CLEC20A: variants seen among roughly 807,000 people sequenced by gnomAD.
The protein encoded by CLEC20A is C-type lectin domain containing 20A.
exon 3 of CLEC20A, chr1:178,492,532 G>A (rs1649289118): frequency 2.5e-6 from 1 of 398,630 alleles, no homozygotes; most frequent in Non-Finnish European, 4.4e-6. Context: ...GGCTGAGAGA[G>A]GGCTTCGTGG....
chr1:178,494,716 T>C (rs2101878220), exon 2 of CLEC20A: 1 of 399,154 alleles, frequency 2.5e-6, no homozygotes, highest in African/African-American at 2.1e-5. Context: ...CAGCGAGGTC[T>C]GTGTAGTGCA....
At chr1:178,498,164 C>T (rs556735640), upstream of CLEC20A, among the ~76,000 whole-genome samples, 2 of 152,158 alleles carry the variant, frequency 1.3e-5, no homozygotes, top group Admixed American at 1.3e-4. Flanking sequence ...AGTATTCAAG[C>T]TTAGGTTGAA....
intron 6 of CLEC20A, 186 bp downstream of exon 6, chr1:178,482,988 GT>G (rs1402380903): frequency 2.6e-6 from 1 of 387,742 alleles, no homozygotes; most frequent in Non-Finnish European, 4.5e-6. Context: ...TCAGAAACTT[GT>G]CCCCTAAGTT....
chr1:178,497,037 T>G (rs1649414859), upstream of CLEC20A: 1 of 398,806 alleles, frequency 2.5e-6, no homozygotes, highest in Non-Finnish European at 4.4e-6. Flanking sequence ...TCTGACCTTC[T>G]GGCCTTTCAT....
chr1:178,492,147 T>A (rs1227967746), intron 3 of CLEC20A, among the ~76,000 whole-genome samples: 1 of 152,036 alleles, frequency 6.6e-6, no homozygotes, highest in Admixed American at 6.6e-5. Flanking sequence ...TAGCTGGGCA[T>A]GGTGGCATGT....
intron 7 of CLEC20A, chr1:178,480,802 A>G (rs1160393378): frequency 1.3e-5 from 2 of 152,096 alleles, no homozygotes; most frequent in Non-Finnish European, 2.9e-5. Flanking sequence ...AAATTAAAAA[A>G]AAAAGTAAAC....
At chr1:178,483,674 C>T (rs181250401) in intron 5 of CLEC20A, 237 of 154,564 alleles carry the variant, frequency 1.5e-3, no homozygotes, top group Admixed American at 3.7e-3. Context: ...CCCTCAATAT[C>T]GCCATCTCCA....
chr1:178,479,800 T>C (rs954881204), intron 7 of CLEC20A, 185 bp from the exon 8 acceptor site: 1 of 376,106 alleles, frequency 2.7e-6, no homozygotes, highest in Non-Finnish European at 4.7e-6. Flanking sequence ...TAAATTAATT[T>C]TGTTAGCAAA....
chr1:178,488,550 G>A (rs753216973), exon 5 of CLEC20A: 2 of 398,868 alleles, frequency 5.0e-6, no homozygotes, highest in Middle Eastern at 6.3e-4. Flanking sequence ...TGGGGGAAGT[G>A]TGGAAGAGTG....
upstream of CLEC20A, among the ~76,000 whole-genome samples, chr1:178,498,921 C>G (rs1240337602): frequency 6.6e-6 from 1 of 152,232 alleles, no homozygotes; most frequent in Non-Finnish European, 1.5e-5. Context: ...TTCTCTCGTG[C>G]AGCAATGGCC....
At chr1:178,485,314 A>G (rs1649105625) in intron 5 of CLEC20A, among the ~76,000 whole-genome samples, 1 of 152,138 alleles carries the variant, frequency 6.6e-6, no homozygotes, top group African/African-American at 2.4e-5. Context: ...TGGGGGATCA[A>G]GTCCTTCAGA....
chr1:178,480,897 G>C (rs1290000175), intron 7 of CLEC20A: 1 of 151,340 alleles, frequency 6.6e-6, no homozygotes, highest in Non-Finnish European at 1.5e-5. Context: ...TGACTTTAAG[G>C]AATAAACATA....
intron 5 of CLEC20A, 50 bp from the exon 6 acceptor site, chr1:178,483,332 G>T: frequency 2.5e-6 from 1 of 398,416 alleles, no homozygotes; most frequent in South Asian, 1.3e-4. Context: ...CCAGGAGTAA[G>T]GTGGCCTGAT....
At chr1:178,486,599 AGCCGAGGCCCCG>A in intron 5 of CLEC20A, 1 of 398,558 alleles carries the variant, frequency 2.5e-6, no homozygotes, top group Non-Finnish European at 4.4e-6. Flanking sequence ...TGAGCCTGGG[AGCCGAGGCCCCG>A]GCTGGATGTG....
rs6425477 is a variant in CLEC20A at position 178,486,093 on chromosome 1, G to A, written c.928+2408C>T. The stretch of plus-strand genomic sequence containing the variant: ...TACTGGAGCCAATATTCCAACTCTT[G>A]ACTGTCAGACTCTTGCTTTTAGAAC... On this transcript the variant is annotated intron_variant, in intron 5 of 7. Transcript: ENST00000623247. 7.4e-3 allele frequency among the ~76,000 whole-genome samples: 1,132 copies of A among 152,278 alleles called. 17 individuals carry two copies. The highest frequency in any genetic ancestry group is 0.026 in the African/African-American group (1,070 of 41,552).
At chr1:178,487,199 G>A (rs1174504737) in intron 5 of CLEC20A, among the ~76,000 whole-genome samples, 1 of 152,204 alleles carries the variant, frequency 6.6e-6, no homozygotes, top group African/African-American at 2.4e-5. Flanking sequence ...GTGCAGACAG[G>A]GGCGAGCAGG....
chr1:178,483,585 A>C (rs1457121300), intron 5 of CLEC20A: 5 of 222,574 alleles, frequency 2.2e-5, no homozygotes, highest in Non-Finnish European at 4.3e-5. Flanking sequence ...TTTTTTGTTC[A>C]GTAGCCTGTG....
chr1:178,488,949 G>A (rs555581154), intron 4 of CLEC20A, among the ~76,000 whole-genome samples: 89 of 152,234 alleles, frequency 5.8e-4, no homozygotes, highest in African/African-American at 2.0e-3. Flanking sequence ...GACTTCTACC[G>A]GGTAAGGGGT....
intron 5 of CLEC20A, chr1:178,483,572 AT>A (rs1558027510): frequency 7.2e-5 from 18 of 250,194 alleles, no homozygotes; most frequent in East Asian, 1.5e-4. Flanking sequence ...TCCTCATCAA[AT>A]TTTTTTTGTT....
Sources: gnomAD v4.1 joint callset for allele counts (sites outside exome capture counted in the v4.1 genomes callset) on GRCh38, gnomAD v4.1.1 for gene constraint, MANE v1.5 for transcripts, NCBI Gene and HGNC (gene_info 2026-07-23, HGNC 2026-07-21) for gene names.